The following ATP11C variants were observed in gnomAD, a reference collection of about 807,000 sequenced individuals.
ATP11C encodes ATPase phospholipid transporting 11C (ATP11C blood group).
Under a neutral mutation model 97.4 loss-of-function variants are expected in ATP11C, and 36 were observed. The ratio of observed to expected loss-of-function variants is 0.37; its 90% CI spans 0.28 to 0.49. The LOEUF is 0.49. Among genes scored for constraint, ATP11C ranks in the 20% least tolerant of loss-of-function variants. ATP11C has a pLI of 0.98. For synonymous variants in ATP11C, 275 were observed against 290.9 expected (o/e 0.95, Z 0.56); for missense variants, 730 against 824.6 (o/e 0.89, Z 1.40).
At position 139,802,280 on chromosome X, in the gene ATP11C, G is replaced by A. The variant is rs113794760; in HGVS notation, c.615C>T (p.Leu205=). 1 of 1,208,964 alleles carries A rather than the reference G, an allele frequency of 8.3e-7. No individual in the cohort carries two copies. Among genetic ancestry groups the A allele is most frequent in the Non-Finnish European group, 1.1e-6 (1 of 892,961 alleles). ...ALCTAESIDT[L]RAAIECEQPQ... ...GCTGTTCACATTCAATTGCTGCTCG[G>A]AGGGTATCGATGGATTCTGCTGTAC... The change falls in exon 7 of 30, where the codon CTC becomes CTT. Residue 205 remains leucine, a synonymous_variant. Coordinates refer to ENST00000682941, the MANE Select transcript of ATP11C (RefSeq NM_001353812.2).
intron 24 of ATP11C, among the ~76,000 whole-genome samples, chrX:139,748,261 T>C (rs2081735214): frequency 9.0e-6 from 1 of 110,855 alleles, no homozygotes; most frequent in African/African-American, 3.3e-5. Context: ...CATGTATTAC[T>C]GAAGGTGAAA....
intron 20 of ATP11C, 50 bp downstream of exon 20, chrX:139,768,210 A>G: frequency 2.3e-6 from 2 of 884,388 alleles, no homozygotes; most frequent in South Asian, 5.1e-5. Context: ...ATTTGCACAT[A>G]TATGTATAGA....
chrX:139,731,247 G>T (rs1055896031), intron 29 of ATP11C, among the ~76,000 whole-genome samples: 1 of 111,755 alleles, frequency 8.9e-6, no homozygotes, highest in Non-Finnish European at 1.9e-5. Context: ...ATGCTAAATT[G>T]GCTTGATATT....
intron 5 of ATP11C, among the ~76,000 whole-genome samples, chrX:139,806,145 T>C (rs936275160): frequency 9.0e-6 from 1 of 111,474 alleles, no homozygotes; most frequent in Non-Finnish European, 1.9e-5. Context: ...TAAAGGCCCC[T>C]ATATCTGCAG....
intron 23 of ATP11C, among the ~76,000 whole-genome samples, chrX:139,756,056 A>G (rs2081928274): frequency 8.9e-6 from 1 of 112,678 alleles, no homozygotes; most frequent in Non-Finnish European, 1.9e-5. Context: ...AAAATGGGAG[A>G]AAATATTTAC....
At chrX:139,769,418 T>C (rs1359680387) in intron 19 of ATP11C, among the ~76,000 whole-genome samples, 4 of 100,778 alleles carry the variant, frequency 4.0e-5, no homozygotes, top group African/African-American at 1.4e-4. Flanking sequence ...TGCCCATGCC[T>C]GGGGCCTATC....
At chrX:139,807,193 A>AGTG (rs1411019450) in intron 5 of ATP11C, among the ~76,000 whole-genome samples, 1 of 111,365 alleles carries the variant, frequency 9.0e-6, no homozygotes, top group Non-Finnish European at 1.9e-5. Flanking sequence ...AGAAAAGGCA[A>AGTG]GGGAACGTGG....
At chrX:139,740,886 A>G (rs925686685) in intron 27 of ATP11C, 105 bp downstream of exon 27, 5 of 460,743 alleles carry the variant, frequency 1.1e-5, no homozygotes, top group African/African-American at 9.8e-5. Flanking sequence ...GTCATCTTAT[A>G]TAATTAAAAT....
intron 1 of ATP11C, among the ~76,000 whole-genome samples, chrX:139,856,001 T>C (rs1027106714): frequency 8.9e-6 from 1 of 112,481 alleles, no homozygotes; most frequent in Non-Finnish European, 1.9e-5. Context: ...GAGAGGATCA[T>C]AGAAGTTAAA....
At chrX:139,894,295 T>C (rs931516487) in intron 1 of ATP11C, among the ~76,000 whole-genome samples, 2 of 112,353 alleles carry the variant, frequency 1.8e-5, no homozygotes, top group African/African-American at 6.5e-5. Flanking sequence ...ATCCCTAGTA[T>C]CACACAATCT....
At position 139,807,819 on chromosome X, in the gene ATP11C, T is replaced by C. The variant is rs778346122; in HGVS notation, c.427-3220A>G. The stretch of plus-strand genomic sequence containing the variant: ...GATAATAACAGTTAGCCAAGTGTAG[T>C]TGCACACCTATAGACCCAGCTACTC... On this transcript the variant is annotated intron_variant, in intron 5 of 29. Coordinates refer to ENST00000682941, the MANE Select transcript of ATP11C (RefSeq NM_001353812.2). Among the ~76,000 whole-genome samples the C allele has an allele frequency of 1.2e-4, 13 of 110,109 alleles. No homozygotes were observed. The East Asian group carries it at 3.5e-3, about 29-fold the overall frequency.
intron 25 of ATP11C, 94 bp downstream of exon 25, chrX:139,745,628 C>T: frequency 1.0e-6 from 1 of 955,138 alleles, no homozygotes; most frequent in Non-Finnish European, 1.4e-6. Flanking sequence ...AAAATGATTA[C>T]AGCTAGAGTA....
At chrX:139,756,198 A>G (rs2081931177) in intron 23 of ATP11C, among the ~76,000 whole-genome samples, 2 of 112,198 alleles carry the variant, frequency 1.8e-5, no homozygotes, top group African/African-American at 6.5e-5. Context: ...AAAGACATAC[A>G]CGCAGCCAAC....
At chrX:139,881,474 C>A (rs746332110) in intron 1 of ATP11C, among the ~76,000 whole-genome samples, 1 of 110,674 alleles carries the variant, frequency 9.0e-6, no homozygotes, top group Non-Finnish European at 1.9e-5. Flanking sequence ...TGGTAGGCGG[C>A]CGGTAGCAAT....
chrX:139,805,911 T>G (rs937623506), intron 5 of ATP11C, among the ~76,000 whole-genome samples: 4 of 112,543 alleles, frequency 3.6e-5, no homozygotes, highest in African/African-American at 9.7e-5. Flanking sequence ...ATATTTTATT[T>G]TGTTGGATTG....
intron 23 of ATP11C, among the ~76,000 whole-genome samples, chrX:139,756,821 G>A (rs1332259278): frequency 9.1e-6 from 1 of 109,558 alleles, no homozygotes. Context: ...TCTACTTCAG[G>A]GTGGAGAGTG....
In ATP11C at chrX:139,757,878, A is replaced by G; in HGVS notation, c.2641-11T>C. On this transcript the variant is annotated splice_polypyrimidine_tract_variant and intron_variant, in intron 22 of 29. Coordinates refer to ENST00000682941, the MANE Select transcript of ATP11C (RefSeq NM_001353812.2). ...AATGAAACAAAGGTTCTGAAAAAAA[A>G]AAATTAAGACAAGGATTAACATTTT... 1 of 1,141,409 alleles carries G rather than the reference A, an allele frequency of 8.8e-7. No individual in the cohort carries two copies. The highest frequency in any genetic ancestry group is 1.8e-5 in the African/African-American group (1 of 56,033). 94.1% of individuals were successfully genotyped at this position (1,141,409 alleles called of 1,213,427 possible).
rs1186517297 is a variant in ATP11C at position 139,901,910 on chromosome X, A to AT, written c.27+30105dup. ...AATGGGACTAGAGTGTCCCTGATAG[A>AT]TTTTTTTTTCCTCTGTTTTTCTGGT... On this transcript the variant is annotated intron_variant, in intron 1 of 29. Transcript: ENST00000682941. Among the ~76,000 whole-genome samples, 14 of 108,926 alleles carry AT rather than the reference A, an allele frequency of 1.3e-4. No individual in the cohort carries two copies. In the South Asian group the frequency reaches 2.0e-3, roughly 16 times the overall value. The allele number at this position is 108,926 out of a possible 115,157, so 94.6% of individuals were successfully genotyped here.
At chrX:139,777,111 C>A (rs1471738228) in intron 18 of ATP11C, among the ~76,000 whole-genome samples, 2 of 111,064 alleles carry the variant, frequency 1.8e-5, no homozygotes, top group South Asian at 3.8e-4. Flanking sequence ...AGAACTCTGG[C>A]GGTACAAAAA....
Sources: allele counts gnomAD v4.1 joint callset (sites outside exome capture counted in the v4.1 genomes callset), GRCh38; gene constraint gnomAD v4.1.1; transcripts MANE v1.5; gene names NCBI Gene and HGNC (gene_info 2026-07-23, HGNC 2026-07-21).